GRTP1: variants seen among roughly 807,000 people sequenced by gnomAD.
The protein encoded by GRTP1 is growth hormone-regulated TBC protein 1.
A neutral mutation model predicts 38.1 loss-of-function variants in GRTP1; 56 were observed. That is an observed-to-expected ratio of 1.47 (90% CI 1.19 to 1.84). The LOEUF (loss-of-function observed/expected upper bound fraction) is 1.84. GRTP1 is among the 40% of genes most tolerant of loss of function. The pLI, the probability that GRTP1 is intolerant of heterozygous loss-of-function variation, is 0.00. For missense variants in GRTP1, 506 were observed against 453.9 expected, an observed-to-expected ratio of 1.11 and a Z score of -1.04; for synonymous variants, 217 against 189.5, an observed-to-expected ratio of 1.14 and a Z score of -1.19.
intron 5 of GRTP1, among the ~76,000 whole-genome samples, chr13:113,344,329 T>C (rs1420933779): frequency 6.6e-6 from 1 of 152,182 alleles, no homozygotes; most frequent in Non-Finnish European, 1.5e-5. Context: ...CCCTCTGCCG[T>C]CCCAGGAGCA....
intron 5 of GRTP1, among the ~76,000 whole-genome samples, chr13:113,328,813 C>T (rs1020115966): frequency 6.6e-5 from 10 of 152,372 alleles, no homozygotes; most frequent in East Asian, 3.9e-4. Context: ...TTCCCAGGGG[C>T]GTCTCCCTCT....
chr13:113,325,641 C>G lies in GRTP1; in HGVS notation c.921+20G>C, dbSNP rs778061837. The G allele has an allele frequency of 6.2e-7, 1 of 1,606,796 alleles. No individual in the cohort carries two copies. Among genetic ancestry groups the G allele is most frequent in the Non-Finnish European group, 8.5e-7 (1 of 1,179,966 alleles). ...CGGGGCCCCCTGGGAGGGGACTGAG[C>G]CACGTGCAGCCCCACACACCTGCAT... is the stretch of plus-strand genomic sequence containing the variant. On this transcript the variant is annotated intron_variant, in intron 7 of 7. Coordinates refer to ENST00000375431, the MANE Select transcript of GRTP1 (RefSeq NM_024719.4).
At chr13:113,344,290 G>T (rs1220721300) in intron 5 of GRTP1, among the ~76,000 whole-genome samples, 14 of 152,180 alleles carry the variant, frequency 9.2e-5, no homozygotes, top group African/African-American at 3.4e-4. Flanking sequence ...AGCCCCAGCT[G>T]CCCACAAGGG....
At chr13:113,359,867 T>G (rs1435251143) in intron 2 of GRTP1, 1 of 152,196 alleles carries the variant, frequency 6.6e-6, no homozygotes, top group Non-Finnish European at 1.5e-5. Context: ...GAAAGAAAAT[T>G]GTTTACTTGT....
intron 4 of GRTP1, among the ~76,000 whole-genome samples, chr13:113,345,714 C>T (rs751521336): frequency 1.2e-4 from 18 of 152,232 alleles, no homozygotes; most frequent in East Asian, 1.9e-4. Flanking sequence ...AGCAGCGCGG[C>T]GGCTTCAGTC....
chr13:113,359,807 C>T (rs963622477), intron 2 of GRTP1: 1 of 152,120 alleles, frequency 6.6e-6, no homozygotes, highest in Non-Finnish European at 1.5e-5. Context: ...AAGAATTCTG[C>T]GACTTTTTGA....
rs1481477302 is a variant in GRTP1, at chr13:113,346,080, A to AGTGGACCCGGGAG, written c.466-1122_466-1121insCTCCCGGGTCCAC. Reference sequence around the variant, plus strand: ...CCCGGGAGGACCTCTGCGGCTGAGCAGACCTGGGAAGACATCTGTGGCCGA... The same window carrying AGTGGACCCGGGAG: ...CCCGGGAGGACCTCTGCGGCTGAGCAGTGGACCCGGGAGGACCTGGGAAGACATCTGTGGCCGA... On this transcript the variant is annotated intron_variant, in intron 4 of 7. Coordinates refer to ENST00000375431, the MANE Select transcript of GRTP1 (RefSeq NM_024719.4). 1.5e-3 allele frequency among the ~76,000 whole-genome samples: 10 copies of AGTGGACCCGGGAG among 6,680 alleles called. 1 individual carries two copies. The highest frequency in any genetic ancestry group is 2.0e-3 in the African/African-American group (4 of 1,982). 4.4% of individuals were successfully genotyped at this position (6,680 alleles called of 152,430 possible).
chr13:113,330,245 A>G (rs61966574), intron 5 of GRTP1, among the ~76,000 whole-genome samples: 6 of 141,728 alleles, frequency 4.2e-5, no homozygotes, highest in Non-Finnish European at 7.5e-5. Flanking sequence ...GGGTGTGTGC[A>G]TGGAAACCCA....
Position 113,325,950 on chromosome 13 carries a change from A to G in GRTP1, c.704T>C (p.Ile235Thr). 1 of 1,613,868 alleles carries G rather than the reference A, an allele frequency of 6.2e-7. No individual in the cohort carries two copies. The highest frequency in any genetic ancestry group is 8.5e-7 in the Non-Finnish European group (1 of 1,179,936). ...LWTLLVSRWF[I>T]CLFVDILPVE... ...GGGCAAGATGTCCACAAACAGGCAG[A>G]TGAACCAGCGGGACACCAGCAGCGT... Residue 235 changes from isoleucine to threonine, a missense_variant, in exon 6 of 8, where the codon ATC (isoleucine) becomes ACC (threonine). Physicochemically the swap from Ile to Thr is moderately conservative, Grantham distance 89. Transcript: ENST00000375431.
rs565760967 is a variant in GRTP1, at chr13:113,343,609, C to T, written c.562+1254G>A. Among the ~76,000 whole-genome samples, 31 of 152,288 alleles carry T rather than the reference C, an allele frequency of 2.0e-4. No individual in the cohort carries two copies. Among genetic ancestry groups the T allele is most frequent in the African/African-American group, 7.2e-4 (30 of 41,550 alleles). ...ATGTACAGCGGTGGTCAGGCCAGCA[C>T]GCAAATTCTCCCGGCCTTCGGTGTC... On this transcript the variant is annotated intron_variant, in intron 5 of 7. Transcript: ENST00000375431. This position sits in a 1 kb window ranked among gnomAD's most constrained non-coding sequence, Gnocchi z 4.8.
chr13:113,355,514 T>G, intron 2 of GRTP1, 33 bp from the exon 3 acceptor site: 1 of 1,581,430 alleles, frequency 6.3e-7, no homozygotes, highest in Non-Finnish European at 8.6e-7. Context: ...GCGTGTGAGC[T>G]GGACCAGGGG....
chr13:113,354,196 C>T lies in GRTP1; in HGVS notation c.340+1127G>A, dbSNP rs531404802. 3.3e-5 allele frequency among the ~76,000 whole-genome samples: 5 copies of T among 152,348 alleles called. No individual in the cohort carries two copies. In the East Asian group the frequency reaches 9.7e-4, roughly 29 times the overall value. ...GCACCCAAGCTCTCCTCTTCCCACC[C>T]TGAATCAGCGTTTCTGGCCGCCAGG... On this transcript the variant is annotated intron_variant, in intron 3 of 7. Coordinates refer to ENST00000375431, the MANE Select transcript of GRTP1 (RefSeq NM_024719.4).
chr13:113,331,648 CTTTTTTTT>C lies in GRTP1; in HGVS notation c.563-5565_563-5558del, dbSNP rs59328510. Among the ~76,000 whole-genome samples the C allele has an allele frequency of 4.3e-5, 4 of 92,990 alleles. No homozygotes were observed. The South Asian group carries it at 1.7e-3, about 39-fold the overall frequency. The allele number at this position is 92,990 out of a possible 152,430, so 61.0% of individuals were successfully genotyped here. A position where few individuals can be genotyped will look rare whatever the true frequency, so the allele number is the denominator to read the frequency against. On this transcript the variant is annotated intron_variant, in intron 5 of 7. Coordinates refer to ENST00000375431, the MANE Select transcript of GRTP1 (RefSeq NM_024719.4). ...AAGGCTGGTTTTGCTGTTTGGTTTA[CTTTTTTTT>C]TTTTTTTTTTTTTTTTTTAGACAGA... is the stretch of plus-strand genomic sequence containing the variant.
intron 5 of GRTP1, among the ~76,000 whole-genome samples, chr13:113,331,310 G>A (rs2042867718): frequency 6.6e-6 from 1 of 152,220 alleles, no homozygotes; most frequent in African/African-American, 2.4e-5. Flanking sequence ...CCAGGTGCAT[G>A]ACCTGGGGGT....
chr13:113,358,831 C>T (rs532633602), intron 2 of GRTP1, among the ~76,000 whole-genome samples: 2 of 152,334 alleles, frequency 1.3e-5, no homozygotes, highest in South Asian at 2.1e-4. Flanking sequence ...GCAAAATTTA[C>T]AGCCACATTG....
rs538800713 is a variant in GRTP1, at chr13:113,341,424, G to A, written c.562+3439C>T. On this transcript the variant is annotated intron_variant, in intron 5 of 7. Coordinates refer to ENST00000375431, the MANE Select transcript of GRTP1 (RefSeq NM_024719.4). ...TGGGACTACAGGCACCCGCCACCAC[G>A]CCCAGCTAATTTTTGTATTTTTAGT... 3.3e-5 allele frequency among the ~76,000 whole-genome samples: 5 copies of A among 152,140 alleles called. No homozygotes were observed. In the East Asian group the frequency reaches 9.7e-4, roughly 29 times the overall value.
chr13:113,329,333 T>TTTGAGAACTGGAACAAGGCAAGGC, intron 5 of GRTP1, among the ~76,000 whole-genome samples: 1 of 152,150 alleles, frequency 6.6e-6, no homozygotes. Context: ...ATCGCAGCAC[T>TTTGAGAACTGGAACAAGGCAAGGC]TTGGGAGGCT....
intron 6 of GRTP1, 28 bp downstream of exon 6, chr13:113,325,891 C>T (rs181395712): frequency 8.7e-6 from 14 of 1,613,758 alleles, no homozygotes; most frequent in East Asian, 2.2e-5. Context: ...GCGGCCCGCC[C>T]GCCCCAGGGC....
At chr13:113,353,486 G>A (rs950834170) in intron 3 of GRTP1, among the ~76,000 whole-genome samples, 38 of 152,226 alleles carry the variant, frequency 2.5e-4, no homozygotes, top group South Asian at 4.1e-4. Context: ...GGACTGAGGC[G>A]AGGGAAAGGA....
Sources: gnomAD v4.1 joint callset for allele counts (sites outside exome capture counted in the v4.1 genomes callset) on GRCh38, gnomAD v4.1.1 for gene constraint, Gnocchi (gnomAD v3.1) non-coding constraint, MANE v1.5 for transcripts, NCBI Gene and HGNC (gene_info 2026-07-23, HGNC 2026-07-21) for gene names.